The following ALMS1 variants were observed in gnomAD, a reference collection of about 807,000 sequenced individuals.
ALMS1 encodes ALMS1 centrosome and basal body associated protein, also known as centrosome-associated protein ALMS1.
Under a neutral mutation model 352.2 loss-of-function variants are expected in ALMS1, and 271 were observed. The observed-to-expected ratio is 0.77, with a 90% CI of 0.70 to 0.85. The LOEUF (loss-of-function observed/expected upper bound fraction) is 0.85, where lower values mean the gene tolerates loss of function less well. Ranked by LOEUF, ALMS1 falls within the 40% of genes least tolerant of loss-of-function variation. ALMS1 has a pLI of 0.00. For synonymous variants in ALMS1, 1,865 were observed against 1,761.2 expected, an observed-to-expected ratio of 1.06 and a Z score of -1.48; for missense variants, 5,445 against 4,870.7, an observed-to-expected ratio of 1.12 and a Z score of -3.51.
chr2:73,494,197 C>T lies in ALMS1; in HGVS notation c.9539+2699C>T, dbSNP rs372115785. ...AAAGCCACAGTCTTTTTGTAACCTA[C>T]CCTTGGATGTGTCATCTCGTCACCT... On this transcript the variant is annotated intron_variant, in intron 10 of 22. Coordinates refer to ENST00000613296, the MANE Select transcript of ALMS1 (RefSeq NM_001378454.1). Among the ~76,000 whole-genome samples, 28 of 152,292 alleles carry T rather than the reference C, an allele frequency of 1.8e-4. 1 individual carries two copies. In the South Asian group the frequency reaches 2.9e-3, roughly 16 times the overall value.
intron 11 of ALMS1, among the ~76,000 whole-genome samples, chr2:73,528,537 CT>C: frequency 6.6e-6 from 1 of 152,124 alleles, no homozygotes; most frequent in East Asian, 1.9e-4. Context: ...ATGAGTATAG[CT>C]GTTCTTCCTC....
chr2:73,572,246 T>A lies in ALMS1; in HGVS notation c.10385-16T>A, dbSNP rs1396255385. On this transcript the variant is annotated splice_polypyrimidine_tract_variant and intron_variant, in intron 15 of 22. Transcript: ENST00000613296. ...ATTTTTTAAGTTCTTTCAAAATCTTTTTTTCTCCTTTTCAGAGTCCGAATG... is the reference window on the plus strand; with the variant it reads ...ATTTTTTAAGTTCTTTCAAAATCTTATTTTCTCCTTTTCAGAGTCCGAATG... The A allele has an allele frequency of 1.9e-6, 3 of 1,600,210 alleles. No homozygotes were observed. In the Admixed American group the frequency reaches 5.3e-5, roughly 28 times the overall value.
chr2:73,525,966 T>C (rs1357190492), intron 11 of ALMS1, among the ~76,000 whole-genome samples: 6 of 152,188 alleles, frequency 3.9e-5, no homozygotes, highest in Admixed American at 3.9e-4. Context: ...TGATGAAAGA[T>C]AGAGGTTTAG....
At chr2:73,554,089 T>C (rs1481041631) in intron 13 of ALMS1, among the ~76,000 whole-genome samples, 2 of 152,134 alleles carry the variant, frequency 1.3e-5, no homozygotes, top group African/African-American at 2.4e-5. Context: ...TATTTGACTT[T>C]TAAAACATAT....
Position 73,431,959 on chromosome 2 carries a change from T to G in ALMS1, c.1339-239T>G, listed in dbSNP as rs556738670. Among the ~76,000 whole-genome samples the G allele has an allele frequency of 1.4e-3, 209 of 152,318 alleles. 1 individual carries two copies. Among genetic ancestry groups the G allele is most frequent in the African/African-American group, 3.1e-3 (128 of 41,570 alleles). On this transcript the variant is annotated intron_variant, in intron 6 of 22. Coordinates refer to ENST00000613296, the MANE Select transcript of ALMS1 (RefSeq NM_001378454.1). ...TCTAAGCCCTCAGGATGATTTAGTCTTCTAGAGTTGACCCAATAAAATATG... is the reference window on the plus strand; with the variant it reads ...TCTAAGCCCTCAGGATGATTTAGTCGTCTAGAGTTGACCCAATAAAATATG...
At position 73,452,612 on chromosome 2, in the gene ALMS1, A is replaced by G. The variant is rs759478895; in HGVS notation, c.6085A>G (p.Thr2029Ala). Residue 2029 changes from threonine to alanine, a missense_variant, in exon 8 of 23, where the codon ACT (threonine) becomes GCT (alanine). Physicochemically the swap from Thr to Ala is moderately conservative, Grantham distance 58 (BLOSUM62 0). Coordinates refer to ENST00000613296, the MANE Select transcript of ALMS1 (RefSeq NM_001378454.1). ...YSQIEKPKISTVIGPNDQKTP... is the reference protein window; with the variant it reads ...YSQIEKPKISAVIGPNDQKTP... ...ACAAATAGAGAAGCCCAAGATTTCA[A>G]CTGTGATTGGACCAAATGACCAGAA... The G allele has an allele frequency of 5.6e-6, 9 of 1,614,094 alleles. No homozygotes were observed. The East Asian group carries it at 1.6e-4, about 28-fold the overall frequency.
At chr2:73,538,483 C>T (rs151077471) in intron 12 of ALMS1, among the ~76,000 whole-genome samples, 2,470 of 152,234 alleles carry the variant, frequency 0.016, 68 homozygotes, top group African/African-American at 0.056. Context: ...ATGATTTCTG[C>T]ATTTCCAACT....
At chr2:73,533,201 A>G (rs955237085) in intron 11 of ALMS1, among the ~76,000 whole-genome samples, 1 of 152,206 alleles carries the variant, frequency 6.6e-6, no homozygotes, top group East Asian at 1.9e-4. Flanking sequence ...GAGTGGTGCA[A>G]GTGCTTCCCT....
In ALMS1 at chr2:73,602,301, T is replaced by C; in HGVS notation, c.12231T>C (p.Asp4077=). 6.2e-7 allele frequency: 1 copy of C among 1,614,208 alleles called. No homozygotes were observed. The highest frequency in any genetic ancestry group is 8.5e-7 in the Non-Finnish European group (1 of 1,180,022). Residue 4077 remains aspartate (D), a synonymous_variant, in exon 20 of 23, where the codon GAT becomes GAC. Transcript: ENST00000613296. The part of the protein sequence containing the change: ...KLQSMLQTER[D]ALFNIDRERQ... ...AGAGCATGTTACAGACCGAGCGGGA[T>C]GCACTATTCAACATTGACAGGGAAC...
chr2:73,602,997 G>A (rs2104202013), intron 20 of ALMS1, among the ~76,000 whole-genome samples: 1 of 152,288 alleles, frequency 6.6e-6, no homozygotes, highest in East Asian at 1.9e-4. Flanking sequence ...TCCAACTTTA[G>A]AAACCGGCCA....
In ALMS1 at chr2:73,489,934, C is replaced by T. The variant is rs1019805272; in HGVS notation, c.7975C>T (p.Pro2659Ser). The T allele has an allele frequency of 7.4e-6, 12 of 1,614,042 alleles. No homozygotes were observed. Among genetic ancestry groups the T allele is most frequent in the East Asian group, 2.2e-5 (1 of 44,902 alleles). ...TCATTCCCCATTTCAGAACTTTATA[C>T]CTGATGAATTCAAAATCAGCAAAGG... ...KSHSPFQNFI[P>S]DEFKISKGLR... The change falls in exon 10 of 23, where the codon CCT becomes TCT. Residue 2659 changes from proline to serine, a missense_variant. Pro to Ser is a moderately conservative substitution (Grantham distance 74). Transcript: ENST00000613296.
rs745393170 is a variant in ALMS1, at chr2:73,455,285, A to T, written c.7664A>T (p.Asp2555Val). 3.7e-6 allele frequency: 6 copies of T among 1,614,090 alleles called. No homozygotes were observed. The South Asian group carries it at 6.6e-5, about 18-fold the overall frequency. Reference protein sequence around the residue: ...AELFGHGRTTDLSKGLQSPRG... With the variant: ...AELFGHGRTTVLSKGLQSPRG... ...TTATTTGGTCATGGAAGAACAACTG[A>T]CTTGTCCAAGGTATAAAAGAAATCT... Residue 2555 changes from aspartate (D) to valine (V), a missense_variant, in exon 9 of 23, where the codon GAC becomes GTC. Coordinates refer to ENST00000613296, the MANE Select transcript of ALMS1 (RefSeq NM_001378454.1).
In ALMS1 at chr2:73,453,770, T is replaced by G. The variant is rs1672000770; in HGVS notation, c.7243T>G (p.Ser2415Ala). 2.5e-6 allele frequency: 4 copies of G among 1,614,008 alleles called. No individual in the cohort carries two copies. The South Asian group carries it at 3.3e-5, about 13-fold the overall frequency. Residue 2415 changes from serine to alanine, a missense_variant, in exon 8 of 23, where the codon TCA (serine) becomes GCA (alanine). Transcript: ENST00000613296. ...TATGATGACTGTCATAAAAAGTGAT[T>G]CAAGTAGTGATGCCAGTGATGGAAA... is the stretch of plus-strand genomic sequence containing the variant. The part of the protein sequence containing the change: ...IPMMTVIKSD[S>A]SSDASDGNGS...
chr2:73,530,091 G>C (rs1385573356), intron 11 of ALMS1, among the ~76,000 whole-genome samples: 3 of 152,124 alleles, frequency 2.0e-5, no homozygotes, highest in Non-Finnish European at 4.4e-5. Context: ...CAAATTTCAT[G>C]TCCTTTTCAC....
rs962048679 is a variant in ALMS1, at chr2:73,601,909, A to C, written c.12115-276A>C. 3.9e-5 allele frequency among the ~76,000 whole-genome samples: 6 copies of C among 152,346 alleles called. No individual in the cohort carries two copies. In the East Asian group the frequency reaches 1.2e-3, roughly 29 times the overall value. Reference sequence around the variant, plus strand: ...TAGATCTTTAAAATAGCACTGTGGGAAGAGCTGTATTGCACTGACATTTCA... The same window carrying C: ...TAGATCTTTAAAATAGCACTGTGGGCAGAGCTGTATTGCACTGACATTTCA... On this transcript the variant is annotated intron_variant, in intron 19 of 22. Transcript: ENST00000613296.
chr2:73,449,002 G>T lies in ALMS1; in HGVS notation c.2475G>T (p.Leu825Phe). The change falls in exon 8 of 23, where the codon TTG becomes TTT. Residue 825 changes from leucine to phenylalanine, a missense_variant. Leu to Phe is a conservative substitution (Grantham distance 22). Coordinates refer to ENST00000613296, the MANE Select transcript of ALMS1 (RefSeq NM_001378454.1). ...TCCTTGTTTTCTACCAACAGGCCTT[G>T]CTGGACAGCCATCTACCCGAAGAGG... ...EKLLVFYQQA[L>F]LDSHLPEEAL... is the part of the protein sequence containing the mutation. The T allele has an allele frequency of 6.2e-7, 1 of 1,613,988 alleles. No individual in the cohort carries two copies. The highest frequency in any genetic ancestry group is 8.5e-7 in the Non-Finnish European group (1 of 1,179,954).
In ALMS1 at chr2:73,490,608, A is replaced by G; in HGVS notation, c.8649A>G (p.Glu2883=). 1 of 1,614,200 alleles carries G rather than the reference A, an allele frequency of 6.2e-7. No individual in the cohort carries two copies. The highest frequency in any genetic ancestry group is 1.1e-5 in the South Asian group (1 of 91,074). Residue 2883 remains glutamate, a synonymous_variant, in exon 10 of 23, where the codon GAA becomes GAG. Coordinates refer to ENST00000613296, the MANE Select transcript of ALMS1 (RefSeq NM_001378454.1). The part of the protein sequence containing the change: ...TPDLPSCIFL[E]QRELFEQSKA... The stretch of plus-strand genomic sequence containing the variant: ...ATCTTCCTTCTTGCATTTTTCTTGA[A>G]CAACGAGAGCTCTTTGAACAAAGCA...
intron 9 of ALMS1, among the ~76,000 whole-genome samples, chr2:73,480,344 C>A (rs1014087315): frequency 2.0e-5 from 3 of 151,844 alleles, no homozygotes; most frequent in African/African-American, 7.3e-5. Context: ...TTTGTTCTTG[C>A]GATAGTTTAC....
At chr2:73,529,618 G>A (rs1311513758) in intron 11 of ALMS1, among the ~76,000 whole-genome samples, 5 of 152,172 alleles carry the variant, frequency 3.3e-5, no homozygotes, top group Non-Finnish European at 7.3e-5. Context: ...GGTCACTGTA[G>A]CCATATCTCC....
Sources: gnomAD v4.1 joint callset for allele counts (sites outside exome capture counted in the v4.1 genomes callset) on GRCh38, gnomAD v4.1.1 for gene constraint, MANE v1.5 for transcripts, NCBI Gene and HGNC (gene_info 2026-07-23, HGNC 2026-07-21) for gene names.